Variants in SLC26A5 observed in about 807,000 individuals in gnomAD.
The protein encoded by SLC26A5 is prestin.
Under a neutral mutation model 81.0 loss-of-function variants are expected in SLC26A5, and 51 were observed. That is an observed-to-expected ratio of 0.63 (90% CI 0.50 to 0.80). SLC26A5 has a LOEUF of 0.80. SLC26A5 is among the 30% of genes least tolerant of loss of function. The probability of loss-of-function intolerance (pLI) is 0.00; values close to 1 mark genes in which losing one functional copy is unlikely to be tolerated. For missense variants in SLC26A5, 771 were observed against 905.8 expected (o/e 0.85, Z 1.91); for synonymous variants, 325 against 332.8 (o/e 0.98, Z 0.25).
chr7:103,403,775 A>G (rs1322962874), intron 8 of SLC26A5, among the ~76,000 whole-genome samples: 3 of 146,990 alleles, frequency 2.0e-5, no homozygotes, highest in African/African-American at 7.7e-5. Flanking sequence ...GTGTCTTTGT[A>G]TATGAGATGA....
At chr7:103,410,850 C>T (rs994342425) in intron 6 of SLC26A5, among the ~76,000 whole-genome samples, 4 of 151,926 alleles carry the variant, frequency 2.6e-5, no homozygotes, top group South Asian at 2.1e-4. Flanking sequence ...AGGGTGGTCT[C>T]GAACTCCTGA....
chr7:103,377,558 G>C (rs1821443208), intron 18 of SLC26A5, 41 bp downstream of exon 18: 1 of 1,537,920 alleles, frequency 6.5e-7, no homozygotes, highest in Non-Finnish European at 9.0e-7. Context: ...TACGACACCA[G>C]GCATAGAGGT....
intron 8 of SLC26A5, among the ~76,000 whole-genome samples, chr7:103,399,948 A>C (rs1823446334): frequency 1.3e-5 from 2 of 152,028 alleles, no homozygotes; most frequent in African/African-American, 4.8e-5. Context: ...TATGTGCCAC[A>C]TTTTCTTTAT....
intron 8 of SLC26A5, among the ~76,000 whole-genome samples, chr7:103,405,868 T>C (rs1316982949): frequency 6.6e-6 from 1 of 152,174 alleles, no homozygotes; most frequent in Non-Finnish European, 1.5e-5. Context: ...CTTTCAGAGA[T>C]GCCCTGCCCA....
At chr7:103,438,622 GGAT>G (rs1190482074) in intron 2 of SLC26A5, among the ~76,000 whole-genome samples, 31 of 151,904 alleles carry the variant, frequency 2.0e-4, no homozygotes, top group Non-Finnish European at 2.9e-5. Context: ...CAAAGTGCTG[GGAT>G]TACAAGTGTG....
chr7:103,420,526 C>T (rs1017673668), intron 4 of SLC26A5, among the ~76,000 whole-genome samples: 3 of 151,998 alleles, frequency 2.0e-5, no homozygotes, highest in African/African-American at 7.2e-5. Flanking sequence ...GTCTCCAACT[C>T]CCAGTCTCAA....
At chr7:103,407,422 A>G (rs904754138) in intron 8 of SLC26A5, among the ~76,000 whole-genome samples, 1 of 152,242 alleles carries the variant, frequency 6.6e-6, no homozygotes, top group Non-Finnish European at 1.5e-5. Context: ...TAACTACTTA[A>G]TAAGTGGAAC....
At chr7:103,354,065 T>C in intron 19 of SLC26A5, 1 of 840,324 alleles carries the variant, frequency 1.2e-6, no homozygotes, top group Non-Finnish European at 1.8e-6. Flanking sequence ...AACCAAAAAT[T>C]AAAAAACCAA....
chr7:103,397,893 T>C (rs1823271466), intron 9 of SLC26A5, 39 bp downstream of exon 9: 4 of 1,429,192 alleles, frequency 2.8e-6, no homozygotes, highest in Non-Finnish European at 4.0e-6. Context: ...GATCCATTGA[T>C]TATTTCAGTC....
chr7:103,364,981 A>ATATATATATATATATATATATTTATT (rs950613120), intron 19 of SLC26A5, among the ~76,000 whole-genome samples: 6 of 140,792 alleles, frequency 4.3e-5, no homozygotes, highest in African/African-American at 1.6e-4. Flanking sequence ...ATATATATAT[A>ATATATATATATATATATATATTTATT]TATTTAGAGA....
chr7:103,434,785 G>C (rs1305807263), intron 2 of SLC26A5, among the ~76,000 whole-genome samples: 2 of 152,092 alleles, frequency 1.3e-5, no homozygotes, highest in African/African-American at 4.8e-5. Flanking sequence ...CTGAGTAGCT[G>C]GGAGTACAGG....
chr7:103,421,016 A>ATTGC, intron 3 of SLC26A5, 139 bp from the exon 4 acceptor site: 1 of 915,624 alleles, frequency 1.1e-6, no homozygotes, highest in South Asian at 1.5e-5. Flanking sequence ...ATGTTGCCAA[A>ATTGC]CAGGGTAGGA....
rs869182707 is a variant in SLC26A5 at position 103,384,153 on chromosome 7, AT to A, written c.1515-3605del. Among the ~76,000 whole-genome samples, 15 of 149,860 alleles carry A rather than the reference AT, an allele frequency of 1.0e-4. No individual in the cohort carries two copies. The East Asian group carries it at 2.0e-3, about 20-fold the overall frequency. The stretch of plus-strand genomic sequence containing the variant: ...CTCTAAAAACAATAAAATAAAAAAA[AT>A]TTTTTTTTTGGTAGAGGCATGGTCT... On this transcript the variant is annotated intron_variant, in intron 14 of 19. Coordinates refer to ENST00000306312, the MANE Select transcript of SLC26A5 (RefSeq NM_198999.3).
intron 2 of SLC26A5, chr7:103,433,457 T>C (rs1826222782): frequency 6.6e-6 from 1 of 152,064 alleles, no homozygotes. Flanking sequence ...AGCATCATCA[T>C]TTTTTTAGGC....
At chr7:103,381,325 C>T (rs1237629131) in intron 14 of SLC26A5, among the ~76,000 whole-genome samples, 8 of 151,452 alleles carry the variant, frequency 5.3e-5, no homozygotes, top group Admixed American at 4.6e-4. Context: ...ATGTACACCA[C>T]ACACACATAT....
chr7:103,363,013 C>A (rs992513522), intron 19 of SLC26A5, among the ~76,000 whole-genome samples: 1 of 152,102 alleles, frequency 6.6e-6, no homozygotes, highest in Non-Finnish European at 1.5e-5. Flanking sequence ...AGACTGGTTT[C>A]GAACTCATGA....
intron 14 of SLC26A5, among the ~76,000 whole-genome samples, chr7:103,385,340 G>A (rs1047947141): frequency 6.6e-6 from 1 of 151,818 alleles, no homozygotes. Flanking sequence ...TTTTTTGATC[G>A]AGCCAGGATG....
rs115308624 is a variant in SLC26A5, at chr7:103,431,918, A to G, written c.-53-10351T>C. On this transcript the variant is annotated intron_variant, in intron 2 of 19. Coordinates refer to ENST00000306312, the MANE Select transcript of SLC26A5 (RefSeq NM_198999.3). ...ACATTATTCACGAATGCTTACCATGAAAAATTAACTTTTTTGAGACAGGGT... is the reference window on the plus strand; with the variant it reads ...ACATTATTCACGAATGCTTACCATGGAAAATTAACTTTTTTGAGACAGGGT... 1.5e-3 allele frequency among the ~76,000 whole-genome samples: 224 copies of G among 151,626 alleles called. 2 individuals are homozygous for G. The highest frequency in any genetic ancestry group is 5.2e-3 in the African/African-American group (213 of 41,356).
intron 10 of SLC26A5, 41 bp downstream of exon 10, chr7:103,392,878 G>A (rs1563534157): frequency 6.2e-7 from 1 of 1,612,410 alleles, no homozygotes; most frequent in Non-Finnish European, 8.5e-7. Context: ...ATTGGTGATT[G>A]TACTGCTATG....
Sources: gnomAD v4.1 joint callset for allele counts (sites outside exome capture counted in the v4.1 genomes callset) on GRCh38, gnomAD v4.1.1 for gene constraint, MANE v1.5 for transcripts, NCBI Gene and HGNC (gene_info 2026-07-23, HGNC 2026-07-21) for gene names.